Variants in CCDC148 observed in about 807,000 individuals in gnomAD.
The protein encoded by CCDC148 is coiled-coil domain containing 148.
In CCDC148, 89 loss-of-function variants were observed where a neutral mutation model predicts 85.7. The ratio of observed to expected loss-of-function variants is 1.04; its 90% confidence interval spans 0.87 to 1.24. CCDC148 has a LOEUF of 1.24. Among genes scored for constraint, CCDC148 ranks in the 50% most tolerant of loss-of-function variants. CCDC148 has a pLI of 0.00. For missense variants in CCDC148, 692 were observed against 671.7 expected, an observed-to-expected ratio of 1.03 and a Z score of -0.33; for synonymous variants, 230 against 213.9, an observed-to-expected ratio of 1.08 and a Z score of -0.66.
chr2:158,282,014 A>T (rs542339993), intron 9 of CCDC148, among the ~76,000 whole-genome samples: 1 of 151,854 alleles, frequency 6.6e-6, no homozygotes, highest in African/African-American at 2.4e-5. Flanking sequence ...TAAACAGAAC[A>T]AAAGACAAAA....
intron 2 of CCDC148, among the ~76,000 whole-genome samples, chr2:158,353,294 G>C (rs942503808): frequency 2.1e-5 from 3 of 141,302 alleles, no homozygotes; most frequent in African/African-American, 7.9e-5. Flanking sequence ...ATTGGATAAA[G>C]AGTCAAGACC....
chr2:158,186,469 A>C (rs1685160629), intron 11 of CCDC148, among the ~76,000 whole-genome samples: 2 of 152,066 alleles, frequency 1.3e-5, no homozygotes, highest in South Asian at 4.1e-4. Context: ...TGACACTGTC[A>C]CCCATTTAAC....
chr2:158,296,771 G>T (rs73968910), intron 9 of CCDC148, among the ~76,000 whole-genome samples: 1 of 151,926 alleles, frequency 6.6e-6, no homozygotes, highest in Non-Finnish European at 1.5e-5. Flanking sequence ...TTTAAGAGTA[G>T]GGCTACTTGG....
chr2:158,174,320 C>T lies in CCDC148; in HGVS notation c.1630-2061G>A, dbSNP rs374274884. ...TCCAAAACACCAGCTCTTAATATTA[C>T]TTGTTGTCTAGCTTCGAATCATCCT... is the stretch of plus-strand genomic sequence containing the variant. On this transcript the variant is annotated intron_variant, in intron 13 of 13. Coordinates refer to ENST00000283233, the MANE Select transcript of CCDC148 (RefSeq NM_138803.4). Among the ~76,000 whole-genome samples the T allele has an allele frequency of 2.0e-5, 3 of 152,044 alleles. No homozygotes were observed. The East Asian group carries it at 5.8e-4, about 29-fold the overall frequency.
chr2:158,422,530 A>G (rs1239066398), intron 1 of CCDC148, among the ~76,000 whole-genome samples: 1 of 152,202 alleles, frequency 6.6e-6, no homozygotes, highest in African/African-American at 2.4e-5. Context: ...ACGAAATTCA[A>G]CAGCCCTTCA....
intron 9 of CCDC148, among the ~76,000 whole-genome samples, chr2:158,307,018 CAA>C (rs56030055): frequency 0.31 from 41,660 of 134,240 alleles, 6,822 homozygotes; most frequent in Non-Finnish European, 0.39. Context: ...GACTCCATCT[CAA>C]AAAAAAAAAA....
intron 2 of CCDC148, among the ~76,000 whole-genome samples, chr2:158,347,770 C>T (rs575803758): frequency 2.6e-5 from 4 of 152,048 alleles, no homozygotes; most frequent in Non-Finnish European, 4.4e-5. Context: ...TCTTTTGAGA[C>T]AGACGTCAAT....
chr2:158,254,445 C>T (rs1688928263), intron 9 of CCDC148, among the ~76,000 whole-genome samples: 2 of 151,490 alleles, frequency 1.3e-5, no homozygotes, highest in South Asian at 4.1e-4. Flanking sequence ...ACAGATAAAA[C>T]AAATTTGACT....
At chr2:158,436,206 A>C (rs1431324654) in intron 1 of CCDC148, among the ~76,000 whole-genome samples, 1 of 152,188 alleles carries the variant, frequency 6.6e-6, no homozygotes, top group Non-Finnish European at 1.5e-5. Flanking sequence ...ACTTATTCCA[A>C]AATTGACCAC....
intron 1 of CCDC148, among the ~76,000 whole-genome samples, chr2:158,445,262 G>C (rs189923350): frequency 6.6e-6 from 1 of 152,298 alleles, no homozygotes; most frequent in East Asian, 1.9e-4. Context: ...TGTGTGGGCA[G>C]ATATTTTTCT....
intron 9 of CCDC148, 41 bp downstream of exon 9, chr2:158,309,392 A>C (rs1161560906): frequency 3.3e-6 from 5 of 1,508,066 alleles, no homozygotes; most frequent in East Asian, 2.3e-5. Flanking sequence ...TGGATTCTTA[A>C]ATATCCAGAC....
chr2:158,308,474 TA>T (rs61088668), intron 9 of CCDC148, among the ~76,000 whole-genome samples: 70,372 of 152,082 alleles, frequency 0.46, 16,781 homozygotes, highest in East Asian at 0.66. Flanking sequence ...CTTTTTGTTT[TA>T]AAAAATGCAG....
At chr2:158,261,774 C>G (rs191518825) in intron 9 of CCDC148, among the ~76,000 whole-genome samples, 2 of 152,086 alleles carry the variant, frequency 1.3e-5, no homozygotes, top group Non-Finnish European at 2.9e-5. Context: ...AGCTCAATAT[C>G]CCTGATCATT....
chr2:158,407,010 C>T (rs1197200125), intron 1 of CCDC148, among the ~76,000 whole-genome samples: 1 of 152,096 alleles, frequency 6.6e-6, no homozygotes, highest in Admixed American at 6.6e-5. Flanking sequence ...GCTTCTCTCT[C>T]CCTCTGTCTC....
intron 7 of CCDC148, among the ~76,000 whole-genome samples, chr2:158,331,891 T>C (rs1693148445): frequency 6.6e-6 from 1 of 152,218 alleles, no homozygotes; most frequent in Non-Finnish European, 1.5e-5. Context: ...GTTTTGAGCC[T>C]ATGTGTGTCT....
At chr2:158,376,599 G>A (rs898813471) in intron 1 of CCDC148, among the ~76,000 whole-genome samples, 1 of 151,914 alleles carries the variant, frequency 6.6e-6, no homozygotes, top group East Asian at 1.9e-4. Flanking sequence ...ATTATTGCCA[G>A]TTAAATTTGA....
chr2:158,249,839 G>A (rs1214128715), intron 10 of CCDC148, among the ~76,000 whole-genome samples: 1 of 152,066 alleles, frequency 6.6e-6, no homozygotes, highest in Non-Finnish European at 1.5e-5. Flanking sequence ...AAAATGAAAA[G>A]TTTGTCCACC....
At chr2:158,215,913 G>A (rs754133170) in intron 11 of CCDC148, among the ~76,000 whole-genome samples, 31 of 152,156 alleles carry the variant, frequency 2.0e-4, no homozygotes, top group Non-Finnish European at 4.3e-4. Context: ...GTCACAGCAA[G>A]AAGGCCCCAT....
chr2:158,369,979 T>C (rs1559104669), intron 1 of CCDC148, among the ~76,000 whole-genome samples: 1 of 152,180 alleles, frequency 6.6e-6, no homozygotes, highest in Non-Finnish European at 1.5e-5. Context: ...CGTTTATTAA[T>C]TTGTTGAACC....
Sources: allele counts gnomAD v4.1 joint callset (sites outside exome capture counted in the v4.1 genomes callset), GRCh38; gene constraint gnomAD v4.1.1; transcripts MANE v1.5; gene names NCBI Gene and HGNC (gene_info 2026-07-23, HGNC 2026-07-21).